The following IGSF22 variants were observed in gnomAD, a reference collection of about 807,000 sequenced individuals.
The protein encoded by IGSF22 is immunoglobulin superfamily member 22.
A neutral mutation model predicts 127.0 loss-of-function variants in IGSF22; 119 were observed. The observed-to-expected ratio is 0.94, with a 90% CI of 0.81 to 1.09. The LOEUF (loss-of-function observed/expected upper bound fraction) is 1.09. Among genes scored for constraint, IGSF22 ranks in the 50% least tolerant of loss-of-function variants. IGSF22 has a pLI of 0.00. For missense variants in IGSF22, 1,518 were observed against 1,716.6 expected, an observed-to-expected ratio of 0.88 and a Z score of 2.04; for synonymous variants, 568 against 664.7, an observed-to-expected ratio of 0.85 and a Z score of 2.24.
At chr11:18,725,640 C>T (rs1848640479) in intron 1 of IGSF22, among the ~76,000 whole-genome samples, 2 of 151,752 alleles carry the variant, frequency 1.3e-5, no homozygotes, top group African/African-American at 4.8e-5. Context: ...TGGCGTTTCA[C>T]TATGTTGGCC....
At chr11:18,704,590 A>C in intron 22 of IGSF22, 52 bp from the exon 23 acceptor site, 2 of 1,178,984 alleles carry the variant, frequency 1.7e-6, no homozygotes, top group Non-Finnish European at 2.5e-6. Flanking sequence ...GCGACCAGGG[A>C]AATTCCAAAC....
chr11:18,721,681 G>A lies in IGSF22; in HGVS notation c.242-10C>T. ...AACACGGCTTTGTCCCCTGCGATGA[G>A]CACAGGACGCGTTTTCGCCTCTTAG... On this transcript the variant is annotated splice_polypyrimidine_tract_variant and intron_variant, in intron 3 of 22. Coordinates refer to ENST00000513874, the MANE Select transcript of IGSF22 (RefSeq NM_173588.4). 6.2e-7 allele frequency: 1 copy of A among 1,614,026 alleles called. No individual in the cohort carries two copies. Among genetic ancestry groups the A allele is most frequent in the East Asian group, 2.2e-5 (1 of 44,878 alleles).
Position 18,711,144 on chromosome 11 carries a change from C to CA in IGSF22, c.2399-317dup, listed in dbSNP as rs11334287. On this transcript the variant is annotated intron_variant, in intron 15 of 22. Transcript: ENST00000513874. ...AGTAAAAACAAAAATGAAAACAAAA[C>CA]AAAAAAAAAACCACTGACAACAACT... Among the ~76,000 whole-genome samples the CA allele has an allele frequency of 5.9e-3, 873 of 148,834 alleles. 3 individuals carry two copies. Among genetic ancestry groups the CA allele is most frequent in the East Asian group, 8.5e-3 (43 of 5,088 alleles).
chr11:18,705,587 C>T (rs1848208394), intron 22 of IGSF22: 1 of 571,038 alleles, frequency 1.8e-6, no homozygotes, highest in African/African-American at 1.9e-5. Context: ...TTGCAAACCA[C>T]ATCTTATCTA....
chr11:18,710,342 C>T lies in IGSF22; in HGVS notation c.2686G>A (p.Ala896Thr), dbSNP rs370591828. 3 of 1,614,146 alleles carry T rather than the reference C, an allele frequency of 1.9e-6. No homozygotes were observed. Among genetic ancestry groups the T allele is most frequent in the African/African-American group, 2.7e-5 (2 of 75,048 alleles). The change falls in exon 17 of 23, where the codon GCC becomes ACC. Residue 896 changes from alanine (A) to threonine (T), a missense_variant. Transcript: ENST00000513874. The part of the protein sequence containing the change: ...QPSVPSSSVV[A>T]KDPVKPPGLV... ...GCATACTCACTAACAGGATCCTTGG[C>T]CACTACTGAGCTGGATGGCACACTG...
Position 18,716,899 on chromosome 11 carries a change from C to CA in IGSF22, c.1074dup (p.Val359CysfsTer13). The CA allele has an allele frequency of 9.3e-6, 15 of 1,614,236 alleles. No individual in the cohort carries two copies. Among genetic ancestry groups the CA allele is most frequent in the Non-Finnish European group, 1.3e-5 (15 of 1,180,046 alleles). On this transcript the variant is annotated frameshift_variant, in exon 10 of 23. Transcript: ENST00000513874. LOFTEE classifies it high-confidence loss of function. The surrounding 1 kb of genome is among the most constrained non-coding windows in gnomAD (Gnocchi z 4.5). ...AGCTCCTTCCCATTGAACTTCCACACAAAGTTGGGCTCTTTCTTGGAGAGG... is the reference window on the plus strand; with the variant it reads ...AGCTCCTTCCCATTGAACTTCCACACAAAAGTTGGGCTCTTTCTTGGAGAGG...
intron 4 of IGSF22, among the ~76,000 whole-genome samples, chr11:18,720,916 G>C (rs1377343764): frequency 6.6e-6 from 1 of 152,168 alleles, no homozygotes; most frequent in Admixed American, 6.5e-5. Context: ...TTCACAACGG[G>C]AAATCGGGTC....
intron 3 of IGSF22, 103 bp from the exon 4 acceptor site, chr11:18,721,774 C>T: frequency 1.3e-6 from 2 of 1,590,810 alleles, no homozygotes; most frequent in Non-Finnish European, 1.7e-6. Flanking sequence ...TGGGCCTGGC[C>T]CCGGGCAGGG....
chr11:18,723,117 C>T (rs975043318), intron 2 of IGSF22, among the ~76,000 whole-genome samples: 2 of 152,200 alleles, frequency 1.3e-5, no homozygotes, highest in South Asian at 4.1e-4. Flanking sequence ...CAGTCTTTTC[C>T]CCACATTTAT....
In IGSF22 at chr11:18,714,096, G is replaced by A; in HGVS notation, c.1851C>T (p.Ile617=). Residue 617 remains isoleucine (I), a synonymous_variant, in exon 14 of 23, where the codon ATC becomes ATT. Coordinates refer to ENST00000513874, the MANE Select transcript of IGSF22 (RefSeq NM_173588.4). ...SVLEALAAHA[I]TVKVGHTAHI... ...GGGCCGTGTGGCCTACCTTCACAGT[G>A]ATGGCGTGCGCAGCCAGTGCCTCCA... is the stretch of plus-strand genomic sequence containing the variant. 6.2e-7 allele frequency: 1 copy of A among 1,614,260 alleles called. No individual in the cohort carries two copies. Among genetic ancestry groups the A allele is most frequent in the Non-Finnish European group, 8.5e-7 (1 of 1,180,038 alleles).
chr11:18,708,273 A>G lies in IGSF22; in HGVS notation c.3021T>C (p.Ser1007=). ...CCACCATGTGACTCTTCAGCCGGGC[A>G]CTGAGGTCAAACTTGGGTGCAGCTG... The part of the protein sequence containing the change: ...PPPAAPKFDL[S]ARLKSHMVVR... Residue 1007 remains serine (S), a synonymous_variant, in exon 19 of 23, where the codon AGT becomes AGC. Transcript: ENST00000513874. The G allele has an allele frequency of 6.5e-7, 1 of 1,548,194 alleles. No homozygotes were observed. The highest frequency in any genetic ancestry group is 8.7e-7 in the Non-Finnish European group (1 of 1,145,424).
chr11:18,706,196 C>T, intron 21 of IGSF22, 50 bp from the exon 22 acceptor site: 2 of 1,468,508 alleles, frequency 1.4e-6, no homozygotes, highest in South Asian at 2.6e-5. Context: ...AGGCCCCCAC[C>T]CACCACCCAC....
rs1848403438 is a variant in IGSF22 at position 18,713,868 on chromosome 11, C to G, written c.2079G>C (p.Leu693=). Residue 693 remains leucine, a synonymous_variant, in exon 14 of 23, where the codon CTG becomes CTC. Transcript: ENST00000513874. ...TGCCCTGACCCAGCACACTAAGGTG[C>G]AGAGTGGCCGTGGCTGAGCCGTGGT... The part of the protein sequence containing the change: ...KNDHGSATAT[L]HLSVLDRPKP... The G allele has an allele frequency of 6.2e-7, 1 of 1,613,228 alleles. No individual in the cohort carries two copies. The highest frequency in any genetic ancestry group is 1.7e-5 in the Admixed American group (1 of 59,928).
intron 20 of IGSF22, 64 bp from the exon 21 acceptor site, chr11:18,707,277 G>T: frequency 7.3e-7 from 1 of 1,379,162 alleles, no homozygotes; most frequent in Non-Finnish European, 9.7e-7. Flanking sequence ...CCCCACCCCA[G>T]CCATCTGCCA....
chr11:18,708,093 A>G (rs1848280652), intron 19 of IGSF22, 97 bp from the exon 20 acceptor site: 1 of 1,540,730 alleles, frequency 6.5e-7, no homozygotes, highest in African/African-American at 1.4e-5. Flanking sequence ...AGGCTGTCGC[A>G]CTAGGGGTCT....
intron 17 of IGSF22, 45 bp downstream of exon 17, chr11:18,710,282 G>C (rs1848327304): frequency 6.3e-7 from 1 of 1,599,382 alleles, no homozygotes; most frequent in Non-Finnish European, 8.6e-7. Flanking sequence ...TACTTTGAAT[G>C]GGCTAATTCC....
In IGSF22 at chr11:18,710,366, T is replaced by C; in HGVS notation, c.2662A>G (p.Ser888Gly). 2 of 1,614,236 alleles carry C rather than the reference T, an allele frequency of 1.2e-6. No homozygotes were observed. Among genetic ancestry groups the C allele is most frequent in the Non-Finnish European group, 1.7e-6 (2 of 1,180,044 alleles). Residue 888 changes from serine to glycine, a missense_variant, in exon 17 of 23, where the codon AGT (serine) becomes GGT (glycine). This residue lies in a region of IGSF22 where 1,456 missense variants were observed against 1,644.9 expected (regional missense o/e 0.89). Transcript: ENST00000513874. ...AVNKAGPGQP[S>G]VPSSSVVAKD... ...GCCACTACTGAGCTGGATGGCACAC[T>C]GGGCTGTCCAGGGCCTGCCTTATTT...
rs980963244 is a variant in IGSF22 at position 18,722,053 on chromosome 11, G to A, written c.110-12C>T. 1 of 1,613,628 alleles carries A rather than the reference G, an allele frequency of 6.2e-7. No homozygotes were observed. Among genetic ancestry groups the A allele is most frequent in the Non-Finnish European group, 8.5e-7 (1 of 1,180,028 alleles). ...CCTCACGACCTCCTCTGTGGGGGCA[G>A]GCGAGAGGTCAGAATGGGCTCCAGG... On this transcript the variant is annotated splice_polypyrimidine_tract_variant and intron_variant, in intron 2 of 22. Transcript: ENST00000513874.
At chr11:18,707,558 C>G (rs1269791211) in intron 20 of IGSF22, among the ~76,000 whole-genome samples, 2 of 152,326 alleles carry the variant, frequency 1.3e-5, no homozygotes, top group East Asian at 1.9e-4. Flanking sequence ...GCTTCCAGCT[C>G]TCTTTAAGCA....
Sources: gnomAD v4.1 joint callset for allele counts (sites outside exome capture counted in the v4.1 genomes callset) on GRCh38, gnomAD v4.1.1 for gene constraint, gnomAD v4.1.1 regional missense constraint, Gnocchi (gnomAD v3.1) non-coding constraint, MANE v1.5 for transcripts, NCBI Gene and HGNC (gene_info 2026-07-23, HGNC 2026-07-21) for gene names.